GPR137C: variants seen among roughly 807,000 people sequenced by gnomAD.
The protein encoded by GPR137C is G protein-coupled receptor 137C, also known as integral membrane protein GPR137C.
In GPR137C, 27 loss-of-function variants were observed where a neutral mutation model predicts 43.4. The ratio of observed to expected loss-of-function variants is 0.62; its 90% CI spans 0.46 to 0.86. The LOEUF (loss-of-function observed/expected upper bound fraction) is 0.86, where lower values mean the gene tolerates loss of function less well. Among genes scored for constraint, GPR137C ranks in the 40% least tolerant of loss-of-function variants. The pLI, the probability that GPR137C is intolerant of heterozygous loss-of-function variation, is 0.00. For missense variants in GPR137C, 522 were observed against 534.6 expected, an observed-to-expected ratio of 0.98 and a Z score of 0.23; for synonymous variants, 285 against 226.9, an observed-to-expected ratio of 1.26 and a Z score of -2.30.
At chr14:52,583,325 A>G (rs1194092565) in intron 1 of GPR137C, among the ~76,000 whole-genome samples, 2 of 152,226 alleles carry the variant, frequency 1.3e-5, no homozygotes, top group Non-Finnish European at 2.9e-5. Context: ...ATTCTATAAT[A>G]TACTTGGAAT....
At position 52,584,832 on chromosome 14, in the gene GPR137C, C is replaced by G. The variant is rs76053132; in HGVS notation, c.445-13440C>G. Among the ~76,000 whole-genome samples the G allele has an allele frequency of 1.1e-4, 17 of 152,118 alleles. No individual in the cohort carries two copies. In the East Asian group the frequency reaches 3.1e-3, roughly 28 times the overall value. ...ACCAGATTGGTCTCAAACTACTGGC[C>G]CCAAGCAATCCTCTTACCTCAGCCT... On this transcript the variant is annotated intron_variant, in intron 1 of 6. Transcript: ENST00000321662.
intron 1 of GPR137C, among the ~76,000 whole-genome samples, chr14:52,570,091 G>C (rs552042213): frequency 6.6e-6 from 1 of 152,298 alleles, no homozygotes; most frequent in South Asian, 2.1e-4. Flanking sequence ...AGGGCAGCTA[G>C]AGAGAAAGGT....
intron 3 of GPR137C, among the ~76,000 whole-genome samples, chr14:52,621,099 T>C (rs1347349984): frequency 6.6e-6 from 1 of 151,792 alleles, no homozygotes; most frequent in African/African-American, 2.4e-5. Flanking sequence ...GAAGAAAATT[T>C]TGTCTAGGGT....
chr14:52,593,028 T>A (rs548762884), intron 1 of GPR137C, among the ~76,000 whole-genome samples: 7 of 152,132 alleles, frequency 4.6e-5, no homozygotes, highest in Admixed American at 3.9e-4. Flanking sequence ...TTATTGAGAG[T>A]TTTTAGCATG....
intron 1 of GPR137C, among the ~76,000 whole-genome samples, chr14:52,588,329 G>T (rs2038738364): frequency 6.6e-6 from 1 of 151,952 alleles, no homozygotes; most frequent in Admixed American, 6.6e-5. Flanking sequence ...TTATTTAATA[G>T]AGACAGGGTT....
intron 3 of GPR137C, among the ~76,000 whole-genome samples, chr14:52,601,498 G>GTGTA (rs1555349110): frequency 3.3e-4 from 49 of 148,300 alleles, no homozygotes; most frequent in African/African-American, 1.2e-3. Flanking sequence ...GTGTGTGTGT[G>GTGTA]TATATATATA....
At chr14:52,574,421 A>T (rs980938242) in intron 1 of GPR137C, among the ~76,000 whole-genome samples, 1 of 152,188 alleles carries the variant, frequency 6.6e-6, no homozygotes, top group Non-Finnish European at 1.5e-5. Flanking sequence ...CTTTGCAGGG[A>T]CATGGATGAA....
rs534501873 is a variant in GPR137C at position 52,637,205 on chromosome 14, A to G, written c.*2090A>G. 2 of 152,178 alleles carry G rather than the reference A, an allele frequency of 1.3e-5. No homozygotes were observed. Among genetic ancestry groups the G allele is most frequent in the Admixed American group, 6.6e-5 (1 of 15,256 alleles). 9.4% of individuals were successfully genotyped at this position (152,178 alleles called of 1,614,324 possible). A position where few individuals can be genotyped will look rare whatever the true frequency, so the allele number is the denominator to read the frequency against. The stretch of plus-strand genomic sequence containing the variant: ...ATTTGTCTCCTTATACACATCTAAC[A>G]TATCACCAAAGACAAATAAAGATAC... On this transcript the variant is annotated 3_prime_UTR_variant, in exon 7 of 7. Coordinates refer to ENST00000321662, the MANE Select transcript of GPR137C (RefSeq NM_001099652.2).
intron 4 of GPR137C, among the ~76,000 whole-genome samples, chr14:52,633,142 T>A (rs1167911058): frequency 6.6e-6 from 1 of 152,110 alleles, no homozygotes; most frequent in Non-Finnish European, 1.5e-5. Context: ...TGACTTAACA[T>A]GTTACATTTT....
chr14:52,596,198 G>A (rs779717894), intron 1 of GPR137C, among the ~76,000 whole-genome samples: 5 of 152,114 alleles, frequency 3.3e-5, no homozygotes, highest in East Asian at 1.9e-4. Context: ...TGGATGCTTC[G>A]TCCCAGAGGG....
intron 1 of GPR137C, among the ~76,000 whole-genome samples, chr14:52,577,660 T>C (rs1430921170): frequency 6.6e-6 from 1 of 151,992 alleles, no homozygotes; most frequent in Non-Finnish European, 1.5e-5. Context: ...ATTTTATCTT[T>C]AAAATCAGGT....
intron 1 of GPR137C, among the ~76,000 whole-genome samples, chr14:52,578,548 C>T (rs1436208528): frequency 6.6e-6 from 1 of 152,024 alleles, no homozygotes; most frequent in Non-Finnish European, 1.5e-5. Context: ...GGATAGTTTT[C>T]CTGTTTTAGT....
intron 1 of GPR137C, among the ~76,000 whole-genome samples, chr14:52,576,732 A>G (rs1351686647): frequency 6.6e-6 from 1 of 152,210 alleles, no homozygotes; most frequent in Non-Finnish European, 1.5e-5. Flanking sequence ...CAACCACAGA[A>G]TACACATTCT....
At chr14:52,589,742 T>C (rs1367652814) in intron 1 of GPR137C, among the ~76,000 whole-genome samples, 1 of 152,162 alleles carries the variant, frequency 6.6e-6, no homozygotes, top group Non-Finnish European at 1.5e-5. Context: ...CATAAGATTA[T>C]AATGAAGCTG....
rs976257671 is a variant in GPR137C, at chr14:52,552,952, G to C, written c.-196G>C. On this transcript the variant is annotated 5_prime_UTR_variant, in exon 1 of 7. Transcript: ENST00000321662. ...CAGGAGGAGCCGAGACCCCCGGGGG[G>C]TGGGGGGAAAGAGGAGGCGGGGTCC... 6.6e-6 allele frequency among the ~76,000 whole-genome samples: 1 copy of C among 151,764 alleles called. No individual in the cohort carries two copies. Among genetic ancestry groups the C allele is most frequent in the African/African-American group, 2.4e-5 (1 of 41,342 alleles).
Position 52,558,103 on chromosome 14 carries a change from CA to C in GPR137C, c.444+4527del, listed in dbSNP as rs11462333. 4.2e-3 allele frequency among the ~76,000 whole-genome samples: 507 copies of C among 121,728 alleles called. 2 individuals carry two copies. Among genetic ancestry groups the C allele is most frequent in the Middle Eastern group, 0.013 (3 of 224 alleles). The allele number at this position is 121,728 out of a possible 152,430, so 79.9% of individuals were successfully genotyped here. A position where few individuals can be genotyped will look rare whatever the true frequency, so the allele number is the denominator to read the frequency against. On this transcript the variant is annotated intron_variant, in intron 1 of 6. Transcript: ENST00000321662. ...CTGGCAAGAAAAGGCCAGAAACTAC[CA>C]AAAAAAAAAAAAAATGCAGAATGAT...
intron 1 of GPR137C, among the ~76,000 whole-genome samples, chr14:52,580,386 A>G (rs932032572): frequency 6.6e-6 from 1 of 152,102 alleles, no homozygotes; most frequent in Non-Finnish European, 1.5e-5. Flanking sequence ...TTTTTGAGAC[A>G]GAGTCTCACC....
At chr14:52,608,696 T>C (rs2039008070) in intron 3 of GPR137C, among the ~76,000 whole-genome samples, 1 of 152,118 alleles carries the variant, frequency 6.6e-6, no homozygotes, top group Admixed American at 6.5e-5. Context: ...CTTTGCTAGA[T>C]AGAGTATTCT....
chr14:52,603,744 G>T (rs545506705), intron 3 of GPR137C, among the ~76,000 whole-genome samples: 1 of 152,070 alleles, frequency 6.6e-6, no homozygotes. Flanking sequence ...TCACCATGTT[G>T]GCCGGGCTGG....
Sources: allele counts gnomAD v4.1 joint callset (sites outside exome capture counted in the v4.1 genomes callset), GRCh38; gene constraint gnomAD v4.1.1; transcripts MANE v1.5; gene names NCBI Gene and HGNC (gene_info 2026-07-23, HGNC 2026-07-21).